Variants in GPHN observed in about 807,000 individuals in gnomAD.
GPHN encodes gephyrin.
A neutral mutation model predicts 95.5 loss-of-function variants in GPHN; 17 were observed. The observed-to-expected ratio is 0.18, with a 90% CI of 0.12 to 0.27. The LOEUF is 0.27. Among genes scored for constraint, GPHN ranks in the 10% least tolerant of loss-of-function variants. The pLI is 1.00. For missense variants in GPHN, 660 were observed against 978.1 expected, an observed-to-expected ratio of 0.67 and a Z score of 4.34; for synonymous variants, 320 against 322.5, an observed-to-expected ratio of 0.99 and a Z score of 0.08.
the GPHN span, among the ~76,000 whole-genome samples, chr14:67,193,637 A>G: frequency 6.8e-6 from 1 of 147,326 alleles, no homozygotes; most frequent in Admixed American, 6.8e-5. Context: ...ATCTATATAG[A>G]TATAGATATA....
chr14:67,348,858 T>A, the GPHN span: 1 of 636,632 alleles, frequency 1.6e-6, no homozygotes. Context: ...TATACAAAAG[T>A]CAAGTTATCC....
chr14:67,591,193 T>TA, the GPHN span, among the ~76,000 whole-genome samples: 1 of 152,096 alleles, frequency 6.6e-6, no homozygotes, highest in African/African-American at 2.4e-5. Flanking sequence ...TACAAGGAAA[T>TA]ATGAAAAGCC....
intron 1 of GPHN, among the ~76,000 whole-genome samples, chr14:66,630,764 G>A (rs1170706682): frequency 6.6e-6 from 1 of 152,092 alleles, no homozygotes; most frequent in Non-Finnish European, 1.5e-5. Context: ...GAGCCACTGC[G>A]CCCAGCCATC....
intron 9 of GPHN, among the ~76,000 whole-genome samples, chr14:66,972,776 A>G (rs888542873): frequency 1.3e-5 from 2 of 152,148 alleles, no homozygotes; most frequent in Non-Finnish European, 2.9e-5. Context: ...AGTAAATATT[A>G]AATTTACTAT....
chr14:66,567,121 A>G (rs1423093154), intron 1 of GPHN, among the ~76,000 whole-genome samples: 1 of 152,172 alleles, frequency 6.6e-6, no homozygotes. Context: ...CATGGATGGC[A>G]TCCAGTCCCC....
At chr14:67,296,881 T>C in the GPHN span, among the ~76,000 whole-genome samples, 2 of 152,080 alleles carry the variant, frequency 1.3e-5, no homozygotes, top group Non-Finnish European at 2.9e-5. Context: ...ACTCAAACTC[T>C]TGGGCTCAAA....
chr14:67,332,471 T>C, the GPHN span, among the ~76,000 whole-genome samples: 1 of 152,228 alleles, frequency 6.6e-6, no homozygotes, highest in Non-Finnish European at 1.5e-5. Flanking sequence ...CAAATGTTTG[T>C]AGGGAAACAG....
the GPHN span, among the ~76,000 whole-genome samples, chr14:67,660,389 A>T: frequency 6.6e-6 from 1 of 152,174 alleles, no homozygotes; most frequent in African/African-American, 2.4e-5. Context: ...TGGGCAACAT[A>T]GCAAGACCTC....
chr14:66,687,269 C>T (rs1003310743), intron 2 of GPHN, among the ~76,000 whole-genome samples: 2 of 152,050 alleles, frequency 1.3e-5, no homozygotes, highest in Middle Eastern at 3.2e-3. Context: ...ACCTAATAGA[C>T]ATCTACAGAA....
chr14:67,468,372 G>A, the GPHN span, among the ~76,000 whole-genome samples: 1 of 152,196 alleles, frequency 6.6e-6, no homozygotes, highest in East Asian at 1.9e-4. Flanking sequence ...TACCGGGGCA[G>A]TCTAAACATT....
chr14:67,418,133 C>T, the GPHN span, among the ~76,000 whole-genome samples: 1 of 152,204 alleles, frequency 6.6e-6, no homozygotes, highest in Non-Finnish European at 1.5e-5. Context: ...TTAACATCTA[C>T]TATGTAATTG....
the GPHN span, among the ~76,000 whole-genome samples, chr14:67,457,716 G>A: frequency 5.9e-5 from 9 of 152,248 alleles, no homozygotes; most frequent in Non-Finnish European, 1.0e-4. Flanking sequence ...AGTCCCACTA[G>A]GGGCTCACTA....
chr14:67,019,524 T>G (rs2073490294), intron 9 of GPHN, among the ~76,000 whole-genome samples: 1 of 152,216 alleles, frequency 6.6e-6, no homozygotes, highest in South Asian at 2.1e-4. Flanking sequence ...GGCAATTTTT[T>G]GAAATCGGAT....
the GPHN span, among the ~76,000 whole-genome samples, chr14:67,637,163 G>A: frequency 3.9e-5 from 6 of 151,988 alleles, no homozygotes; most frequent in East Asian, 3.9e-4. Context: ...TAATCCTAGC[G>A]CTTTGGGAGG....
At chr14:66,849,392 G>A (rs2062483193) in intron 4 of GPHN, among the ~76,000 whole-genome samples, 1 of 151,756 alleles carries the variant, frequency 6.6e-6, no homozygotes, top group African/African-American at 2.4e-5. Context: ...GATCACTTTA[G>A]AAATATTTCC....
chr14:67,383,736 G>A, the GPHN span: 1 of 353,756 alleles, frequency 2.8e-6, no homozygotes, highest in South Asian at 2.3e-5. Context: ...GATGTCTCCA[G>A]ATTGGCACCC....
the GPHN span, among the ~76,000 whole-genome samples, chr14:67,354,317 CTTAT>C: frequency 7.7e-4 from 117 of 152,232 alleles, 1 homozygote; most frequent in African/African-American, 2.8e-3. Flanking sequence ...AGTTTAAATA[CTTAT>C]TTGATTTGTA....
At chr14:67,619,187 ACT>A in the GPHN span, among the ~76,000 whole-genome samples, 1 of 152,038 alleles carries the variant, frequency 6.6e-6, no homozygotes, top group Non-Finnish European at 1.5e-5. Context: ...CGTTATTAAA[ACT>A]CTAGTTACTT....
rs2061779550 is a variant in GPHN at position 66,835,823 on chromosome 14, GAGTGAACT to G, written c.294+11258_294+11265del. The stretch of plus-strand genomic sequence containing the variant: ...AACAACAGACAGAGAGCCAAATCGT[GAGTGAACT>G]CCCATTCACAATTGCTTCAAACAGA... On this transcript the variant is annotated intron_variant, in intron 4 of 22. Coordinates refer to ENST00000478722, the MANE Select transcript of GPHN (RefSeq NM_020806.5). 2.6e-5 allele frequency among the ~76,000 whole-genome samples: 4 copies of G among 152,158 alleles called. No individual in the cohort carries two copies. In the South Asian group the frequency reaches 8.3e-4, roughly 32 times the overall value.
Sources: allele counts gnomAD v4.1 joint callset (sites outside exome capture counted in the v4.1 genomes callset), GRCh38; gene constraint gnomAD v4.1.1; transcripts MANE v1.5; gene names NCBI Gene and HGNC (gene_info 2026-07-23, HGNC 2026-07-21).